RP1: variants seen among roughly 807,000 people sequenced by gnomAD.
The protein encoded by RP1 is RP1 axonemal microtubule associated, also known as oxygen-regulated protein 1.
A neutral mutation model predicts 14.8 loss-of-function variants in RP1; 16 were observed. The ratio of observed to expected loss-of-function variants is 1.08; its 90% CI spans 0.73 to 1.65. RP1 has a LOEUF of 1.65. Ranked by LOEUF, RP1 falls within the 40% of genes most tolerant of loss-of-function variation. The pLI is 0.00. For synonymous variants in RP1, 876 were observed against 883.6 expected (o/e 0.99, Z 0.15); for missense variants, 2,631 against 2,535.0 (o/e 1.04, Z -0.81).
chr8:54,825,966 G>A (rs950952131), intron 24 of RP1, among the ~76,000 whole-genome samples: 13 of 152,092 alleles, frequency 8.5e-5, no homozygotes, highest in Non-Finnish European at 1.8e-4. Context: ...TACTTGGGAG[G>A]CTGAGGCAGT....
chr8:54,563,854 T>G (rs1804343253), intron 1 of RP1, among the ~76,000 whole-genome samples: 1 of 152,164 alleles, frequency 6.6e-6, no homozygotes, highest in African/African-American at 2.4e-5. Flanking sequence ...CGGCCTACTA[T>G]TTGTTTTTGA....
intron 15 of RP1, among the ~76,000 whole-genome samples, chr8:54,712,633 C>G (rs1197701286): frequency 5.9e-5 from 9 of 152,190 alleles, no homozygotes; most frequent in Non-Finnish European, 1.3e-4. Flanking sequence ...AGAAGAGCCT[C>G]CACAGAAAAC....
chr8:54,670,084 C>T (rs1332603520), intron 7 of RP1, among the ~76,000 whole-genome samples: 2 of 152,062 alleles, frequency 1.3e-5, no homozygotes, highest in African/African-American at 4.8e-5. Context: ...TAAATTTCCA[C>T]ATATATGTGA....
intron 1 of RP1, among the ~76,000 whole-genome samples, chr8:54,590,066 C>G (rs1315744938): frequency 6.6e-6 from 1 of 152,184 alleles, no homozygotes; most frequent in Non-Finnish European, 1.5e-5. Flanking sequence ...AGAAGCGTGC[C>G]TGCTCCTGCC....
chr8:54,796,009 A>G (rs1810567990), intron 24 of RP1, among the ~76,000 whole-genome samples: 1 of 152,116 alleles, frequency 6.6e-6, no homozygotes, highest in Admixed American at 6.6e-5. Flanking sequence ...TTCTATTTAA[A>G]CCACATTTTC....
Position 54,625,862 on chromosome 8 carries a change from T to C in RP1, c.1980T>C (p.Asn660=). ...GTGGTTTAACAAAACTTCCAAAAAA[T>C]GAAAAGAAGATTTTGTCATCTGTTG... ...AQCGLTKLPK[N]EKKILSSVAS... Residue 660 remains asparagine (N), a synonymous_variant, in exon 4 of 4, where the codon AAT becomes AAC. Transcript: ENST00000220676. 1.2e-6 allele frequency: 2 copies of C among 1,613,530 alleles called. No homozygotes were observed. The highest frequency in any genetic ancestry group is 1.7e-6 in the Non-Finnish European group (2 of 1,179,896).
At chr8:54,731,003 G>A (rs905294032) in intron 17 of RP1, among the ~76,000 whole-genome samples, 5 of 152,030 alleles carry the variant, frequency 3.3e-5, no homozygotes, top group Non-Finnish European at 7.4e-5. Context: ...TCAATGACAT[G>A]TTAGAATAAA....
intron 24 of RP1, among the ~76,000 whole-genome samples, chr8:54,835,192 A>G (rs1302074061): frequency 6.6e-6 from 1 of 152,154 alleles, no homozygotes; most frequent in Non-Finnish European, 1.5e-5. Context: ...GGCATATTAC[A>G]TTTTTATTTC....
intron 1 of RP1, among the ~76,000 whole-genome samples, chr8:54,577,779 G>A (rs1406690331): frequency 1.3e-5 from 2 of 152,184 alleles, no homozygotes; most frequent in African/African-American, 2.4e-5. Flanking sequence ...AAAGCGTACA[G>A]GAGGGGCTCA....
rs761273992 is a variant in RP1, at chr8:54,627,876, A to AC, written c.3996dup (p.Tyr1333LeufsTer11). 5 of 1,614,140 alleles carry AC rather than the reference A, an allele frequency of 3.1e-6. No homozygotes were observed. Among genetic ancestry groups the AC allele is most frequent in the Non-Finnish European group, 4.2e-6 (5 of 1,179,986 alleles). ...TGAGGGAGCTTGCCCAATTGATGAGACCTACGTTCCTGTCAATGTCTGCAA... is the reference window on the plus strand; with the variant it reads ...TGAGGGAGCTTGCCCAATTGATGAGACCCTACGTTCCTGTCAATGTCTGCAA... On this transcript the variant is annotated frameshift_variant, in exon 4 of 4. Transcript: ENST00000220676. LOFTEE classifies it low-confidence loss of function (END_TRUNC).
chr8:54,733,220 C>T (rs992041021), intron 17 of RP1, among the ~76,000 whole-genome samples: 1 of 152,046 alleles, frequency 6.6e-6, no homozygotes, highest in Non-Finnish European at 1.5e-5. Flanking sequence ...ATTTAACTTC[C>T]CTGCTTCTTT....
chr8:54,733,266 C>T (rs1808834896), intron 17 of RP1, among the ~76,000 whole-genome samples: 1 of 151,986 alleles, frequency 6.6e-6, no homozygotes, highest in Non-Finnish European at 1.5e-5. Flanking sequence ...ATTTGACTCA[C>T]CTTATGAGTT....
exon 26 of RP1, chr8:54,852,720 C>T (rs924383124): frequency 4.9e-6 from 6 of 1,231,780 alleles, no homozygotes; most frequent in South Asian, 4.1e-5. Context: ...CAAGTTTCAG[C>T]GTGGACAGGT....
chr8:54,741,352 T>C (rs932518017), intron 19 of RP1, among the ~76,000 whole-genome samples: 2 of 152,144 alleles, frequency 1.3e-5, no homozygotes, highest in Non-Finnish European at 2.9e-5. Flanking sequence ...AAATGCCCTA[T>C]ACAAGTGTAC....
chr8:54,782,932 C>A (rs2129380542), intron 23 of RP1, among the ~76,000 whole-genome samples: 1 of 152,120 alleles, frequency 6.6e-6, no homozygotes, highest in East Asian at 1.9e-4. Flanking sequence ...CGTGTCTTTT[C>A]TTCATCCTCC....
chr8:54,783,507 T>C (rs1019176650), intron 23 of RP1: 5 of 1,068,526 alleles, frequency 4.7e-6, no homozygotes, highest in Non-Finnish European at 6.0e-6. Context: ...AATGTGTTTT[T>C]CCCCTATACT....
At position 54,622,271 on chromosome 8, in the gene RP1, A is replaced by C. The variant is rs771715697; in HGVS notation, c.770A>C (p.Lys257Thr). The C allele has an allele frequency of 6.2e-7, 1 of 1,614,118 alleles. No individual in the cohort carries two copies. Among genetic ancestry groups the C allele is most frequent in the Non-Finnish European group, 8.5e-7 (1 of 1,180,014 alleles). Residue 257 changes from lysine (K) to threonine (T), a missense_variant, in exon 3 of 4, where the codon AAG becomes ACG. Physicochemically the swap from Lys to Thr is moderately conservative, Grantham distance 78 (BLOSUM62 -1). Coordinates refer to ENST00000220676, the MANE Select transcript of RP1 (RefSeq NM_006269.2). The part of the protein sequence containing the change: ...SQRVYPKGNA[K>T]SESRKISTHM... ...CGTGTGTACCCCAAGGGAAATGCAA[A>C]GTCAGAAAGCAGAAAGAGTAAGTCA... is the stretch of plus-strand genomic sequence containing the variant.
At chr8:54,765,631 G>A (rs1050333655) in intron 22 of RP1, among the ~76,000 whole-genome samples, 2 of 152,156 alleles carry the variant, frequency 1.3e-5, no homozygotes, top group African/African-American at 4.8e-5. Flanking sequence ...TCTGTCTCTA[G>A]ACATTCTCCA....
chr8:54,766,028 G>C (rs1364670807), intron 22 of RP1, among the ~76,000 whole-genome samples: 1 of 152,016 alleles, frequency 6.6e-6, no homozygotes, highest in African/African-American at 2.4e-5. Context: ...AAGGAGGGAG[G>C]GGGGTAAGGA....
Sources: gnomAD v4.1 joint callset for allele counts (sites outside exome capture counted in the v4.1 genomes callset) on GRCh38, gnomAD v4.1.1 for gene constraint, MANE v1.5 for transcripts, NCBI Gene and HGNC (gene_info 2026-07-23, HGNC 2026-07-21) for gene names.